Variants in KCNIP4 observed in about 807,000 individuals in gnomAD.
KCNIP4 encodes potassium voltage-gated channel interacting protein 4.
KCNIP4 carries 12 observed loss-of-function variants against 34.0 expected under a neutral mutation model. The ratio of observed to expected loss-of-function variants is 0.35; its 90% CI spans 0.23 to 0.57. The LOEUF is 0.57. KCNIP4 is among the 20% of genes least tolerant of loss of function. The pLI is 0.83. For missense variants in KCNIP4, 238 were observed against 311.7 expected (o/e 0.76, Z 1.78); for synonymous variants, 124 against 102.2 (o/e 1.21, Z -1.29).
At chr4:20,925,176 G>A (rs949881797) in intron 1 of KCNIP4, among the ~76,000 whole-genome samples, 2 of 152,034 alleles carry the variant, frequency 1.3e-5, no homozygotes, top group African/African-American at 2.4e-5. Flanking sequence ...ATACCCGCTC[G>A]GTGAGGGTAT....
intron 1 of KCNIP4, among the ~76,000 whole-genome samples, chr4:21,714,231 C>T (rs1713970407): frequency 6.6e-6 from 1 of 152,162 alleles, no homozygotes. Flanking sequence ...TTTTCAAAGG[C>T]TCCTAGTGGT....
intron 1 of KCNIP4, among the ~76,000 whole-genome samples, chr4:21,780,030 G>A (rs776333638): frequency 3.3e-5 from 5 of 152,110 alleles, no homozygotes; most frequent in African/African-American, 4.8e-5. Flanking sequence ...AAGGAACTCG[G>A]ATGCTTAGTA....
intron 3 of KCNIP4, among the ~76,000 whole-genome samples, chr4:20,825,437 T>C (rs1363396638): frequency 6.6e-6 from 1 of 152,060 alleles, no homozygotes; most frequent in East Asian, 1.9e-4. Flanking sequence ...ACTTGATGGC[T>C]GATTGAATTT....
At chr4:20,972,800 A>G (rs1307128694) in intron 1 of KCNIP4, among the ~76,000 whole-genome samples, 1 of 152,178 alleles carries the variant, frequency 6.6e-6, no homozygotes, top group Non-Finnish European at 1.5e-5. Flanking sequence ...GTTGACTTCA[A>G]CTCTCATGAA....
intron 3 of KCNIP4, among the ~76,000 whole-genome samples, chr4:20,825,654 A>G (rs1318891927): frequency 6.6e-6 from 1 of 152,198 alleles, no homozygotes; most frequent in East Asian, 1.9e-4. Flanking sequence ...ATAATGGGAC[A>G]CACAGCTCCA....
intron 1 of KCNIP4, among the ~76,000 whole-genome samples, chr4:21,147,969 G>A (rs138166255): frequency 0.041 from 3,277 of 79,036 alleles, 161 homozygotes; most frequent in African/African-American, 0.14. Flanking sequence ...AAGAAAAAAA[G>A]TTCAAGTACT....
At chr4:20,807,603 C>T (rs1421683247) in intron 3 of KCNIP4, among the ~76,000 whole-genome samples, 2 of 152,096 alleles carry the variant, frequency 1.3e-5, no homozygotes, top group Non-Finnish European at 2.9e-5. Context: ...CTAGAATATA[C>T]TTATGTCATT....
chr4:21,927,078 A>G (rs1462514475), intron 1 of KCNIP4, among the ~76,000 whole-genome samples: 2 of 152,186 alleles, frequency 1.3e-5, no homozygotes, highest in Non-Finnish European at 2.9e-5. Flanking sequence ...AAGGCCACCT[A>G]CATTCCTGGG....
intron 1 of KCNIP4, among the ~76,000 whole-genome samples, chr4:21,396,561 A>AAAAAAAAAAAAAAT: frequency 6.6e-6 from 1 of 150,680 alleles, no homozygotes; most frequent in Non-Finnish European, 1.5e-5. Context: ...AAAAAAAAAA[A>AAAAAAAAAAAAAAT]AAAAAAAGAG....
intron 1 of KCNIP4, among the ~76,000 whole-genome samples, chr4:21,841,334 T>C (rs10025151): frequency 0.014 from 2,141 of 152,256 alleles, 43 homozygotes; most frequent in African/African-American, 0.048. Context: ...ATATTATACC[T>C]AACAGATGGT....
Position 21,697,278 on chromosome 4 carries a change from C to T in KCNIP4, c.61+251293G>A, listed in dbSNP as rs1712422102. 2.9e-6 allele frequency: 4 copies of T among 1,359,994 alleles called. No homozygotes were observed. The South Asian group carries it at 8.2e-5, about 28-fold the overall frequency. The allele number at this position is 1,359,994 out of a possible 1,614,324, so 84.2% of individuals were successfully genotyped here. ...CAACAAAGAAATAGCCTTTCCTATT[C>T]CATTTCAACTTCATTACCATGCTCT... is the stretch of plus-strand genomic sequence containing the variant. On this transcript the variant is annotated intron_variant, in intron 1 of 8. Coordinates refer to ENST00000382152, the MANE Select transcript of KCNIP4 (RefSeq NM_025221.6).
intron 1 of KCNIP4, among the ~76,000 whole-genome samples, chr4:21,182,166 A>G (rs76666280): frequency 2.1e-4 from 32 of 152,262 alleles, no homozygotes; most frequent in African/African-American, 7.2e-4. Context: ...AGCCAAGGGT[A>G]TTTGACACAT....
chr4:21,503,733 A>C (rs1406219337), intron 1 of KCNIP4, among the ~76,000 whole-genome samples: 1 of 152,206 alleles, frequency 6.6e-6, no homozygotes, highest in African/African-American at 2.4e-5. Flanking sequence ...AGAGCAAGTG[A>C]GCAGGGACAT....
intron 1 of KCNIP4, among the ~76,000 whole-genome samples, chr4:21,169,374 G>T (rs979341356): frequency 6.6e-6 from 1 of 151,620 alleles, no homozygotes; most frequent in African/African-American, 2.4e-5. Flanking sequence ...CTGGTTTGGA[G>T]CTCCTGGGCT....
At chr4:21,024,197 A>G (rs1028364970) in intron 1 of KCNIP4, among the ~76,000 whole-genome samples, 2 of 152,238 alleles carry the variant, frequency 1.3e-5, no homozygotes, top group African/African-American at 2.4e-5. Flanking sequence ...AAATAATTTG[A>G]AACCAAGTAA....
chr4:21,242,880 CTGTGTG>C (rs56347755), intron 1 of KCNIP4, among the ~76,000 whole-genome samples: 6,792 of 149,228 alleles, frequency 0.046, 196 homozygotes, highest in Non-Finnish European at 0.06. Flanking sequence ...GTGTGTGTAT[CTGTGTG>C]TGTGTGTGTG....
chr4:21,586,543 G>T (rs1741631670), intron 1 of KCNIP4, among the ~76,000 whole-genome samples: 1 of 151,968 alleles, frequency 6.6e-6, no homozygotes, highest in Admixed American at 6.6e-5. Context: ...TCAAAGGAAG[G>T]TGTGACAGGA....
chr4:20,856,744 G>A (rs974183535), intron 2 of KCNIP4, among the ~76,000 whole-genome samples: 1 of 152,128 alleles, frequency 6.6e-6, no homozygotes, highest in African/African-American at 2.4e-5. Flanking sequence ...GTCTTCTTCA[G>A]AATCACTATG....
rs539808565 is a variant in KCNIP4, at chr4:21,403,956, C to G, written c.62-521247G>C. Reference sequence around the variant, plus strand: ...AATCACTCTCCCAAAGGCCTCACCTCTTAATACTGCCACACCAGAGATTAG... The same window carrying G: ...AATCACTCTCCCAAAGGCCTCACCTGTTAATACTGCCACACCAGAGATTAG... On this transcript the variant is annotated intron_variant, in intron 1 of 8. Transcript: ENST00000382152. Among the ~76,000 whole-genome samples the G allele has an allele frequency of 2.6e-5, 4 of 152,342 alleles. No homozygotes were observed. The South Asian group carries it at 8.3e-4, about 32-fold the overall frequency.
Sources: gnomAD v4.1 joint callset for allele counts (sites outside exome capture counted in the v4.1 genomes callset) on GRCh38, gnomAD v4.1.1 for gene constraint, MANE v1.5 for transcripts, NCBI Gene and HGNC (gene_info 2026-07-23, HGNC 2026-07-21) for gene names.